The following MDGA2 variants were observed in gnomAD, a reference collection of about 807,000 sequenced individuals.
MDGA2 encodes the protein MAM domain-containing glycosylphosphatidylinositol anchor protein 2.
In MDGA2, 40 loss-of-function variants were observed where a neutral mutation model predicts 117.8. The ratio of observed to expected loss-of-function variants is 0.34; its 90% CI spans 0.26 to 0.44. The LOEUF (loss-of-function observed/expected upper bound fraction) is 0.44, where lower values mean the gene tolerates loss of function less well. Ranked by LOEUF, MDGA2 falls within the 20% of genes least tolerant of loss-of-function variation. The probability of loss-of-function intolerance (pLI) is 1.00; values close to 1 mark genes in which losing one functional copy is unlikely to be tolerated. For synonymous variants in MDGA2, 452 were observed against 439.0 expected, an observed-to-expected ratio of 1.03 and a Z score of -0.37; for missense variants, 1,123 against 1,250.6, an observed-to-expected ratio of 0.90 and a Z score of 1.54.
intron 1 of MDGA2, among the ~76,000 whole-genome samples, chr14:47,401,384 C>T (rs574948373): frequency 1.7e-4 from 26 of 152,178 alleles, no homozygotes; most frequent in Admixed American, 5.2e-4. Context: ...CGAGCTATTA[C>T]ATGGGAAATA....
In MDGA2 at chr14:47,233,346, C is replaced by T. The variant is rs547063243; in HGVS notation, c.421-15151G>A. Among the ~76,000 whole-genome samples, 13 of 151,996 alleles carry T rather than the reference C, an allele frequency of 8.6e-5. No individual in the cohort carries two copies. The East Asian group carries it at 2.1e-3, about 25-fold the overall frequency. On this transcript the variant is annotated intron_variant, in intron 2 of 16. Transcript: ENST00000399232. Reference sequence around the variant, plus strand: ...ATAAATAAAATTCTTATTACAAAACCGATATATTAAAATCTATGTCAAAAT... The same window carrying T: ...ATAAATAAAATTCTTATTACAAAACTGATATATTAAAATCTATGTCAAAAT...
chr14:47,425,932 G>A (rs753257391), intron 1 of MDGA2, among the ~76,000 whole-genome samples: 9 of 151,502 alleles, frequency 5.9e-5, no homozygotes, highest in Admixed American at 2.6e-4. Context: ...GATTTCATTG[G>A]ATTTTTAATG....
rs374840795 is a variant in MDGA2, at chr14:47,601,400, T to TAA, written c.280+73115_280+73116dup. Among the ~76,000 whole-genome samples, 320 of 151,460 alleles carry TAA rather than the reference T, an allele frequency of 2.1e-3. 1 individual carries two copies. The highest frequency in any genetic ancestry group is 7.3e-3 in the African/African-American group (300 of 41,338). ...TCCTAGGTTTAGAAGCAAATTTTTT[T>TAA]AAAAAAAAATCTGTATTGATCAAAG... On this transcript the variant is annotated intron_variant, in intron 1 of 16. Transcript: ENST00000399232.
intron 1 of MDGA2, among the ~76,000 whole-genome samples, chr14:47,653,742 T>C (rs1046766520): frequency 6.6e-6 from 1 of 152,034 alleles, no homozygotes; most frequent in African/African-American, 2.4e-5. Flanking sequence ...TCTCAGAAAG[T>C]GCAAGACAGC....
At chr14:47,156,775 C>T (rs965652555) in intron 3 of MDGA2, among the ~76,000 whole-genome samples, 1 of 152,168 alleles carries the variant, frequency 6.6e-6, no homozygotes, top group Non-Finnish European at 1.5e-5. Context: ...AAATCCTATA[C>T]AGAAGATATA....
At chr14:47,389,589 AACACACACACACACACCCACACAC>A (rs1566765554) in intron 1 of MDGA2, among the ~76,000 whole-genome samples, 2 of 130,480 alleles carry the variant, frequency 1.5e-5, no homozygotes, top group Non-Finnish European at 3.2e-5. Flanking sequence ...TTTGCAGGAA[AACACACACACACACACCCACACAC>A]ACACACACAC....
intron 16 of MDGA2, among the ~76,000 whole-genome samples, chr14:46,842,345 T>C (rs1028432386): frequency 6.6e-6 from 1 of 152,118 alleles, no homozygotes; most frequent in African/African-American, 2.4e-5. Flanking sequence ...AGCAGGAACA[T>C]GGAGAAAATT....
chr14:47,116,796 T>G (rs948713960), intron 5 of MDGA2, among the ~76,000 whole-genome samples: 2 of 151,836 alleles, frequency 1.3e-5, no homozygotes, highest in Admixed American at 1.3e-4. Context: ...AGACACAAAA[T>G]TATAAAACTA....
intron 1 of MDGA2, among the ~76,000 whole-genome samples, chr14:47,356,295 A>T (rs1385345315): frequency 6.6e-6 from 1 of 152,210 alleles, no homozygotes; most frequent in African/African-American, 2.4e-5. Context: ...TCACCCTTGT[A>T]GGAACCCCTA....
In MDGA2 at chr14:46,933,799, AATATATATATATATATATATAT is replaced by A. The variant is rs34723414; in HGVS notation, c.2090-13661_2090-13640del. Among the ~76,000 whole-genome samples the A allele has an allele frequency of 3.6e-3, 318 of 87,318 alleles. 5 individuals are homozygous for A. Among genetic ancestry groups the A allele is most frequent in the African/African-American group, 8.5e-3 (162 of 19,120 alleles). The allele number at this position is 87,318 out of a possible 152,430, so 57.3% of individuals were successfully genotyped here. On this transcript the variant is annotated intron_variant, in intron 9 of 16. Transcript: ENST00000399232. ...CAAAGTTCTACTGGTTTATGTAACA[AATATATATATATATATATATAT>A]ATATATATATATATATATATATATA...
At chr14:47,395,975 AC>A (rs1891999209) in intron 1 of MDGA2, among the ~76,000 whole-genome samples, 6 of 152,208 alleles carry the variant, frequency 3.9e-5, no homozygotes, top group Admixed American at 3.9e-4. Flanking sequence ...CAAAAAGTAA[AC>A]CCAGGTCTTC....
intron 2 of MDGA2, among the ~76,000 whole-genome samples, chr14:47,238,173 T>C (rs556013080): frequency 2.0e-5 from 3 of 152,196 alleles, no homozygotes; most frequent in Non-Finnish European, 1.5e-5. Flanking sequence ...CTGAACACTC[T>C]ATTAAAAATA....
chr14:47,129,511 T>A (rs1258570532), intron 5 of MDGA2, among the ~76,000 whole-genome samples: 2 of 149,412 alleles, frequency 1.3e-5, no homozygotes, highest in African/African-American at 4.9e-5. Context: ...TTTGGGTTGG[T>A]TCCAAGTCTT....
intron 2 of MDGA2, among the ~76,000 whole-genome samples, chr14:47,290,123 C>T (rs1381324661): frequency 8.5e-6 from 1 of 117,930 alleles, no homozygotes; most frequent in Non-Finnish European, 1.9e-5. Context: ...AAAATATAGC[C>T]CTATACTGCT....
At chr14:47,021,087 AAAAT>A (rs1404551649) in intron 8 of MDGA2, among the ~76,000 whole-genome samples, 1 of 152,306 alleles carries the variant, frequency 6.6e-6, no homozygotes, top group Admixed American at 6.5e-5. Flanking sequence ...CATGCAGACA[AAAAT>A]AAAATAATTT....
At chr14:47,141,784 TAAATTC>T (rs1882729635) in intron 4 of MDGA2, among the ~76,000 whole-genome samples, 1 of 152,192 alleles carries the variant, frequency 6.6e-6, no homozygotes, top group African/African-American at 2.4e-5. Flanking sequence ...TTTGGAGGAA[TAAATTC>T]TAGTGTTCTA....
chr14:47,573,275 G>A (rs768283666), intron 1 of MDGA2, among the ~76,000 whole-genome samples: 1 of 152,128 alleles, frequency 6.6e-6, no homozygotes, highest in African/African-American at 2.4e-5. Context: ...TTCTTTTGGG[G>A]AGTGTTTTCC....
intron 1 of MDGA2, among the ~76,000 whole-genome samples, chr14:47,358,660 C>G (rs540563122): frequency 6.6e-6 from 1 of 152,076 alleles, no homozygotes; most frequent in Non-Finnish European, 1.5e-5. Context: ...CATGTCTTTA[C>G]GTCAATAAAG....
At chr14:47,014,670 C>A (rs1888017817) in intron 8 of MDGA2, among the ~76,000 whole-genome samples, 1 of 152,194 alleles carries the variant, frequency 6.6e-6, no homozygotes, top group Non-Finnish European at 1.5e-5. Context: ...TCACCTCTCT[C>A]AGCCTTCATA....
Sources: allele counts gnomAD v4.1 joint callset (sites outside exome capture counted in the v4.1 genomes callset), GRCh38; gene constraint gnomAD v4.1.1; transcripts MANE v1.5; gene names NCBI Gene and HGNC (gene_info 2026-07-23, HGNC 2026-07-21).